Variants in DTNA observed in about 807,000 individuals in gnomAD.
DTNA encodes dystrophin-related protein 3.
In DTNA, 43 loss-of-function variants were observed where a neutral mutation model predicts 100.7. That is an observed-to-expected ratio of 0.43 (90% CI 0.33 to 0.55). DTNA has a LOEUF of 0.55. DTNA is among the 20% of genes least tolerant of loss of function. The pLI is 0.04. For synonymous variants in DTNA, 349 were observed against 347.9 expected (o/e 1.00, Z -0.04); for missense variants, 798 against 953.9 (o/e 0.84, Z 2.15).
chr18:34,707,435 T>G (rs926099098), upstream of DTNA, among the ~76,000 whole-genome samples: 2 of 152,164 alleles, frequency 1.3e-5, no homozygotes, highest in Non-Finnish European at 2.9e-5. Flanking sequence ...TTTAAAACTT[T>G]GTGAAACCAA....
chr18:34,657,190 T>C (rs890307465), intron 1 of DTNA, among the ~76,000 whole-genome samples: 3 of 152,212 alleles, frequency 2.0e-5, no homozygotes, highest in African/African-American at 7.2e-5. Flanking sequence ...TTGTAAAGTC[T>C]TAATCAACAT....
intron 1 of DTNA, among the ~76,000 whole-genome samples, chr18:34,717,642 A>T (rs1022441948): frequency 2.0e-5 from 3 of 152,220 alleles, no homozygotes; most frequent in African/African-American, 7.2e-5. Context: ...GTAGTAGTGC[A>T]GAGTTCCTTG....
chr18:34,884,508 C>G (rs1279571731), intron 21 of DTNA, among the ~76,000 whole-genome samples: 1 of 145,486 alleles, frequency 6.9e-6, no homozygotes, highest in Non-Finnish European at 1.5e-5. Context: ...CTGTGTATCT[C>G]CACTCAAAAC....
At chr18:34,693,970 A>T (rs980453253) in intron 1 of DTNA, among the ~76,000 whole-genome samples, 3 of 152,198 alleles carry the variant, frequency 2.0e-5, no homozygotes. Context: ...CACTGAAAAG[A>T]TACAGGTATA....
At chr18:34,598,847 CAG>C (rs2051188407) in intron 1 of DTNA, among the ~76,000 whole-genome samples, 1 of 151,892 alleles carries the variant, frequency 6.6e-6, no homozygotes, top group African/African-American at 2.4e-5. Context: ...GTCTGGGTGA[CAG>C]AGCGAGACTC....
intron 2 of DTNA, among the ~76,000 whole-genome samples, chr18:34,758,512 T>G (rs983472574): frequency 6.6e-6 from 1 of 152,158 alleles, no homozygotes; most frequent in Non-Finnish European, 1.5e-5. Context: ...CTGGAGGACT[T>G]CAGGGAGGAG....
chr18:34,888,714 C>T lies in DTNA; in HGVS notation c.*980C>T, dbSNP rs1032007170. 6.1e-6 allele frequency: 6 copies of T among 985,866 alleles called. No individual in the cohort carries two copies. The East Asian group carries it at 5.7e-4, about 93-fold the overall frequency. The allele number at this position is 985,866 out of a possible 1,614,324, so 61.1% of individuals were successfully genotyped here. Reference sequence around the variant, plus strand: ...CAAACGGACTAAAGTTATCTCTGCTCTTCCATGGTCTTGTTCCTCTCGTTT... The same window carrying T: ...CAAACGGACTAAAGTTATCTCTGCTTTTCCATGGTCTTGTTCCTCTCGTTT... On this transcript the variant is annotated 3_prime_UTR_variant, in exon 23 of 23. Transcript: ENST00000444659.
At chr18:34,507,830 C>A (rs538813626) in intron 1 of DTNA, among the ~76,000 whole-genome samples, 1 of 152,276 alleles carries the variant, frequency 6.6e-6, no homozygotes, top group African/African-American at 2.4e-5. Flanking sequence ...TTGTGCTACA[C>A]GCTAACGTTG....
intron 21 of DTNA, 120 bp downstream of exon 21, chr18:34,882,321 C>A: frequency 7.7e-7 from 1 of 1,293,116 alleles, no homozygotes; most frequent in Non-Finnish European, 1.1e-6. Context: ...TTTCAAAATA[C>A]ACTGATTTCA....
intron 1 of DTNA, among the ~76,000 whole-genome samples, chr18:34,599,867 C>T (rs2051423499): frequency 6.6e-6 from 1 of 152,070 alleles, no homozygotes; most frequent in African/African-American, 2.4e-5. Context: ...TTAGTAGAGA[C>T]AGGCTTTCAT....
At chr18:34,863,707 T>A (rs941443781) in intron 16 of DTNA, among the ~76,000 whole-genome samples, 1 of 152,192 alleles carries the variant, frequency 6.6e-6, no homozygotes, top group Non-Finnish European at 1.5e-5. Context: ...CATTCAATGG[T>A]TGATTAATTC....
chr18:34,800,325 T>G (rs2095160102), intron 4 of DTNA, among the ~76,000 whole-genome samples: 1 of 152,218 alleles, frequency 6.6e-6, no homozygotes. Flanking sequence ...TAAAATTAAC[T>G]GTTTCTGACC....
rs2096906370 is a variant in DTNA at position 34,884,729 on chromosome 18, T to G, written c.2297T>G (p.Val766Gly). Residue 766 changes from valine (V) to glycine (G), a missense_variant and splice_region_variant, in exon 22 of 23, where the codon GTC becomes GGC. This residue lies in a region of DTNA where 242 missense variants were observed against 238.2 expected (regional missense o/e 1.02). Coordinates refer to ENST00000444659, the MANE Select transcript of DTNA (RefSeq NM_001386795.1). ...GTTTGTGTCCTTTGTCACCCACAGG[T>G]CAGCTTGCAAGGTTGAATGCAATAT... Reference protein sequence around the residue: ...KQKLQDEAYQVSLQG With the variant: ...KQKLQDEAYQGSLQG The G allele has an allele frequency of 6.2e-7, 1 of 1,614,118 alleles. No individual in the cohort carries two copies. The highest frequency in any genetic ancestry group is 1.3e-5 in the African/African-American group (1 of 75,034).
intron 1 of DTNA, among the ~76,000 whole-genome samples, chr18:34,748,130 C>A (rs910672136): frequency 2.0e-5 from 3 of 151,970 alleles, no homozygotes; most frequent in Non-Finnish European, 4.4e-5. Flanking sequence ...TATTCATGTT[C>A]TTTGCCTACT....
upstream of DTNA, among the ~76,000 whole-genome samples, chr18:34,706,203 C>A (rs2082098825): frequency 6.6e-6 from 1 of 152,204 alleles, no homozygotes; most frequent in Non-Finnish European, 1.5e-5. Flanking sequence ...TCGCCTCGGC[C>A]TCCCAAAGTG....
At chr18:34,650,663 A>G (rs1426994232) in intron 1 of DTNA, among the ~76,000 whole-genome samples, 1 of 152,172 alleles carries the variant, frequency 6.6e-6, no homozygotes, top group African/African-American at 2.4e-5. Flanking sequence ...ACACTATACT[A>G]GGCCCAGAAG....
At chr18:34,801,835 A>G (rs958142106) in intron 4 of DTNA, among the ~76,000 whole-genome samples, 1 of 152,216 alleles carries the variant, frequency 6.6e-6, no homozygotes, top group Admixed American at 6.5e-5. Context: ...ATAAAATGAT[A>G]TACTAATATT....
At chr18:34,765,190 C>G (rs2093405870) in intron 2 of DTNA, among the ~76,000 whole-genome samples, 1 of 152,090 alleles carries the variant, frequency 6.6e-6, no homozygotes, top group Non-Finnish European at 1.5e-5. Flanking sequence ...ATGCTGGACT[C>G]CTAAGTGGGA....
At chr18:34,694,696 C>T (rs564757827) in intron 1 of DTNA, among the ~76,000 whole-genome samples, 41 of 151,810 alleles carry the variant, frequency 2.7e-4, no homozygotes, top group South Asian at 1.2e-3. Context: ...TTTTTATGAA[C>T]GGGTTTTTAT....
Sources: gnomAD v4.1 joint callset for allele counts (sites outside exome capture counted in the v4.1 genomes callset) on GRCh38, gnomAD v4.1.1 for gene constraint, gnomAD v4.1.1 regional missense constraint, MANE v1.5 for transcripts, NCBI Gene and HGNC (gene_info 2026-07-23, HGNC 2026-07-21) for gene names.